The following NPR3 variants were observed in gnomAD, a reference collection of about 807,000 sequenced individuals.
The protein encoded by NPR3 is atrial natriuretic peptide receptor 3.
Under a neutral mutation model 54.5 loss-of-function variants are expected in NPR3, and 34 were observed. That is an observed-to-expected ratio of 0.62 (90% CI 0.47 to 0.83). The LOEUF (loss-of-function observed/expected upper bound fraction) is 0.83. Among genes scored for constraint, NPR3 ranks in the 40% least tolerant of loss-of-function variants. The pLI is 0.00. For missense variants in NPR3, 674 were observed against 720.8 expected (o/e 0.94, Z 0.74); for synonymous variants, 289 against 297.1 (o/e 0.97, Z 0.28).
At chr5:32,781,835 A>T (rs1485112305) in intron 5 of NPR3, among the ~76,000 whole-genome samples, 1 of 152,214 alleles carries the variant, frequency 6.6e-6, no homozygotes, top group Non-Finnish European at 1.5e-5. Flanking sequence ...GCAAGTGCTC[A>T]GTACACGCCA....
intron 2 of NPR3, among the ~76,000 whole-genome samples, chr5:32,726,880 C>T (rs1043819717): frequency 2.6e-5 from 4 of 152,112 alleles, no homozygotes; most frequent in Non-Finnish European, 5.9e-5. Context: ...CAAAAATATT[C>T]TTCAATATAT....
chr5:32,757,130 A>G (rs529836807), intron 3 of NPR3, among the ~76,000 whole-genome samples: 4 of 152,254 alleles, frequency 2.6e-5, no homozygotes, highest in South Asian at 2.1e-4. Flanking sequence ...GTTTTTTCCA[A>G]TTCTGTGATG....
intron 1 of NPR3, among the ~76,000 whole-genome samples, chr5:32,698,399 G>A (rs765972846): frequency 1.7e-4 from 25 of 151,328 alleles, no homozygotes; most frequent in East Asian, 3.9e-4. Flanking sequence ...GACTTGTTTC[G>A]TGGCTTAACA....
At position 32,725,121 on chromosome 5, in the gene NPR3, A is replaced by G. The variant is rs553446845; in HGVS notation, c.892+301A>G. 4.8e-5 allele frequency among the ~76,000 whole-genome samples: 7 copies of G among 144,906 alleles called. No individual in the cohort carries two copies. The East Asian group carries it at 1.6e-3, about 33-fold the overall frequency. Reference sequence around the variant, plus strand: ...GGAACAATAGACACTGGGGACTTCTAGGGGTGGTGGGGGTGGGTTAAAAAA... The same window carrying G: ...GGAACAATAGACACTGGGGACTTCTGGGGGTGGTGGGGGTGGGTTAAAAAA... On this transcript the variant is annotated intron_variant, in intron 2 of 7. Coordinates refer to ENST00000265074, the MANE Select transcript of NPR3 (RefSeq NM_001204375.2).
At chr5:32,768,070 T>C (rs908356147) in intron 3 of NPR3, among the ~76,000 whole-genome samples, 1 of 152,188 alleles carries the variant, frequency 6.6e-6, no homozygotes, top group Non-Finnish European at 1.5e-5. Flanking sequence ...CCTGCTCCTC[T>C]TCCCGCCCTT....
chr5:32,716,996 A>AAACCCCCCC (rs1561079842), intron 1 of NPR3, among the ~76,000 whole-genome samples: 5 of 109,666 alleles, frequency 4.6e-5, no homozygotes, highest in Non-Finnish European at 5.5e-5. Flanking sequence ...CCATCCCCCA[A>AAACCCCCCC]CCCCCCCACC....
chr5:32,771,272 C>A (rs1257926091), intron 3 of NPR3, among the ~76,000 whole-genome samples: 1 of 152,128 alleles, frequency 6.6e-6, no homozygotes, highest in Non-Finnish European at 1.5e-5. Flanking sequence ...CAAACCTCAG[C>A]AGGGTCAGCA....
intron 3 of NPR3, among the ~76,000 whole-genome samples, chr5:32,770,044 A>T (rs1374156580): frequency 6.6e-6 from 1 of 152,100 alleles, no homozygotes; most frequent in Non-Finnish European, 1.5e-5. Context: ...AACACTAATA[A>T]ATCAATGTGG....
chr5:32,765,104 G>C (rs1579679847), intron 3 of NPR3, among the ~76,000 whole-genome samples: 1 of 152,174 alleles, frequency 6.6e-6, no homozygotes, highest in East Asian at 1.9e-4. Flanking sequence ...TTACTAGGTT[G>C]GTGCATTAAA....
upstream of NPR3, chr5:32,710,863 T>G: frequency 3.1e-6 from 4 of 1,275,520 alleles, no homozygotes; most frequent in Non-Finnish European, 2.1e-6. Flanking sequence ...GTCCTGGTTT[T>G]TTTTTTTTTT....
rs1579584663 is a variant in NPR3, at chr5:32,711,889, T to C, written c.113T>C (p.Ile38Thr). 1 of 1,474,570 alleles carries C rather than the reference T, an allele frequency of 6.8e-7. No homozygotes were observed. The highest frequency in any genetic ancestry group is 9.0e-7 in the Non-Finnish European group (1 of 1,114,532). The allele number at this position is 1,474,570 out of a possible 1,614,324, so 91.3% of individuals were successfully genotyped here. A position where few individuals can be genotyped will look rare whatever the true frequency, so the allele number is the denominator to read the frequency against. ...GVGGGGGGAG[I>T]GGGRQEREAL... is the part of the protein sequence containing the mutation. ...GGCGGCGGCGGCGGTGGCGCGGGCA[T>C]AGGCGGCGGACGCCAGGAGAGAGAG... Residue 38 changes from isoleucine (I) to threonine (T), a missense_variant, in exon 1 of 8, where the codon ATA (isoleucine) becomes ACA (threonine). By Grantham distance (89) the Ile-to-Thr change is moderately conservative. Coordinates refer to ENST00000265074, the MANE Select transcript of NPR3 (RefSeq NM_001204375.2).
intron 2 of NPR3, among the ~76,000 whole-genome samples, chr5:32,738,472 C>G (rs1441896590): frequency 6.6e-6 from 1 of 152,164 alleles, no homozygotes; most frequent in Non-Finnish European, 1.5e-5. Context: ...TTATACCACA[C>G]TAGCCACTTG....
chr5:32,738,859 C>T lies in NPR3; in HGVS notation c.893-5C>T, dbSNP rs1298227978. On this transcript the variant is annotated splice_region_variant and splice_polypyrimidine_tract_variant and intron_variant, in intron 2 of 7. Transcript: ENST00000265074. ...GAATTATAAATATTTTTATTTCTTC[C>T]ATAGGAGATGGCTCATGGAAGAGAG... is the stretch of plus-strand genomic sequence containing the variant. 12 of 1,610,926 alleles carry T rather than the reference C, an allele frequency of 7.4e-6. No individual in the cohort carries two copies. The highest frequency in any genetic ancestry group is 1.7e-5 in the Admixed American group (1 of 59,572).
In NPR3 at chr5:32,738,945, T is replaced by A. The variant is rs929082544; in HGVS notation, c.974T>A (p.Leu325Gln). 5 of 1,613,998 alleles carry A rather than the reference T, an allele frequency of 3.1e-6. No individual in the cohort carries two copies. The Admixed American group carries it at 8.3e-5, about 27-fold the overall frequency. ...TCGTCCCTCCAGACAGTCACTCTACTGAGGACAGTGAAACCTGAGTTTGAG... is the reference window on the plus strand; with the variant it reads ...TCGTCCCTCCAGACAGTCACTCTACAGAGGACAGTGAAACCTGAGTTTGAG... ...AYSSLQTVTL[L>Q]RTVKPEFEKF... Residue 325 changes from leucine to glutamine, a missense_variant, in exon 3 of 8, where the codon CTG (leucine) becomes CAG (glutamine). Physicochemically the swap from Leu to Gln is moderately radical, Grantham distance 113 (BLOSUM62 -2). Coordinates refer to ENST00000265074, the MANE Select transcript of NPR3 (RefSeq NM_001204375.2).
In NPR3 at chr5:32,774,837, T is replaced by A; in HGVS notation, c.1189T>A (p.Phe397Ile). Residue 397 changes from phenylalanine (F) to isoleucine (I), a missense_variant, in exon 4 of 8, where the codon TTT becomes ATT. Phe to Ile is a conservative substitution (Grantham distance 21). Coordinates refer to ENST00000265074, the MANE Select transcript of NPR3 (RefSeq NM_001204375.2). The stretch of plus-strand genomic sequence containing the variant: ...TATACAGCAGACTTGGAACAGAACA[T>A]TTGAAGGTGGGGATTCCATCTATAA... ...KIIQQTWNRT[F>I]EGIAGQVSID... 1 of 1,611,386 alleles carries A rather than the reference T, an allele frequency of 6.2e-7. No homozygotes were observed. Among genetic ancestry groups the A allele is most frequent in the Non-Finnish European group, 8.5e-7 (1 of 1,177,572 alleles).
chr5:32,733,687 A>G (rs902199152), intron 2 of NPR3, among the ~76,000 whole-genome samples: 1 of 152,250 alleles, frequency 6.6e-6, no homozygotes, highest in Non-Finnish European at 1.5e-5. Context: ...TGATACATGT[A>G]CATTAAAGTC....
intron 4 of NPR3, among the ~76,000 whole-genome samples, chr5:32,779,671 C>T (rs1386463264): frequency 6.6e-6 from 1 of 152,190 alleles, no homozygotes; most frequent in East Asian, 1.9e-4. Flanking sequence ...TCCAACATCC[C>T]TATAAAATTC....
At chr5:32,718,202 T>C (rs1189377812) in intron 1 of NPR3, among the ~76,000 whole-genome samples, 1 of 152,210 alleles carries the variant, frequency 6.6e-6, no homozygotes, top group African/African-American at 2.4e-5. Context: ...GGTCTATATA[T>C]TTGTTTTGGT....
At chr5:32,768,623 G>C (rs922814724) in intron 3 of NPR3, among the ~76,000 whole-genome samples, 2 of 152,136 alleles carry the variant, frequency 1.3e-5, no homozygotes, top group Non-Finnish European at 2.9e-5. Flanking sequence ...GGAGGTGAAT[G>C]AGGGCCCTAA....
Sources: allele counts gnomAD v4.1 joint callset (sites outside exome capture counted in the v4.1 genomes callset), GRCh38; gene constraint gnomAD v4.1.1; transcripts MANE v1.5; gene names NCBI Gene and HGNC (gene_info 2026-07-23, HGNC 2026-07-21).